SMARCC1: variants seen among roughly 807,000 people sequenced by gnomAD.
SMARCC1 encodes SWI/SNF complex subunit SMARCC1.
A neutral mutation model predicts 147.4 loss-of-function variants in SMARCC1; 43 were observed. The ratio of observed to expected loss-of-function variants is 0.29; its 90% CI spans 0.23 to 0.38. The LOEUF (loss-of-function observed/expected upper bound fraction) is 0.38. SMARCC1 is among the 10% of genes least tolerant of loss of function. SMARCC1 has a pLI of 1.00. For missense variants in SMARCC1, 1,119 were observed against 1,381.1 expected, an observed-to-expected ratio of 0.81 and a Z score of 3.01; for synonymous variants, 495 against 484.4, an observed-to-expected ratio of 1.02 and a Z score of -0.29.
intron 2 of SMARCC1, among the ~76,000 whole-genome samples, chr3:47,753,325 CAAAAAAAA>C (rs35435595): frequency 3.2e-5 from 3 of 92,880 alleles, no homozygotes; most frequent in Middle Eastern, 6.0e-3. Flanking sequence ...ACTCCATCTC[CAAAAAAAA>C]AAAAAAAAGA....
chr3:47,760,095 C>T (rs1359991363), intron 2 of SMARCC1, among the ~76,000 whole-genome samples: 1 of 152,158 alleles, frequency 6.6e-6, no homozygotes, highest in Non-Finnish European at 1.5e-5. Flanking sequence ...GGGCAGATCA[C>T]TTGAGGCCAG....
At chr3:47,779,487 G>A (rs1023995955) in intron 1 of SMARCC1, among the ~76,000 whole-genome samples, 1 of 152,172 alleles carries the variant, frequency 6.6e-6, no homozygotes, top group South Asian at 2.1e-4. Context: ...GGGTATATAC[G>A]TTTCTCAATC....
intron 21 of SMARCC1, among the ~76,000 whole-genome samples, chr3:47,647,977 G>A (rs934742019): frequency 6.6e-6 from 1 of 151,994 alleles, no homozygotes; most frequent in African/African-American, 2.4e-5. Context: ...TCTTGAATCT[G>A]CTCACTGACA....
Position 47,701,344 on chromosome 3 carries a change from G to C in SMARCC1, c.1099C>G (p.Leu367Val), listed in dbSNP as rs551503004. 41 of 1,613,086 alleles carry C rather than the reference G, an allele frequency of 2.5e-5. No homozygotes were observed. The Admixed American group carries it at 3.3e-4, about 13-fold the overall frequency. ...SQKEEDEQED[L>V]TKDMEDPTPV... Reference sequence around the variant, plus strand: ...GTTGGGTCTTCCATATCCTTGGTTAGATCTTCTTGCTCATCTTCCTCTTTC... The same window carrying C: ...GTTGGGTCTTCCATATCCTTGGTTACATCTTCTTGCTCATCTTCCTCTTTC... Residue 367 changes from leucine (L) to valine (V), a missense_variant, in exon 11 of 28, where the codon CTA becomes GTA. By Grantham distance (32) the Leu-to-Val change is conservative. Around this residue, in one of 6 missense-constraint regions of SMARCC1, gnomAD observed 542 missense variants for 611.8 expected, o/e 0.89. Transcript: ENST00000254480.
chr3:47,734,008 T>C (rs1490879382), intron 5 of SMARCC1, among the ~76,000 whole-genome samples: 1 of 152,008 alleles, frequency 6.6e-6, no homozygotes. Flanking sequence ...TATATCTACA[T>C]ATATGTATAC....
intron 21 of SMARCC1, 109 bp from the exon 22 acceptor site, chr3:47,638,889 C>G (rs1383609351): frequency 3.9e-6 from 3 of 773,064 alleles, no homozygotes; most frequent in Non-Finnish European, 6.8e-6. Context: ...TAATACATAA[C>G]GAATATCATA....
chr3:47,730,069 T>C (rs1448280767), intron 5 of SMARCC1, among the ~76,000 whole-genome samples: 3 of 152,044 alleles, frequency 2.0e-5, no homozygotes, highest in Admixed American at 2.0e-4. Context: ...ATCTCAGCTA[T>C]TCAAGAGGCT....
chr3:47,662,717 T>G (rs976161990), intron 19 of SMARCC1, 125 bp from the exon 20 acceptor site: 4 of 766,752 alleles, frequency 5.2e-6, no homozygotes, highest in South Asian at 1.9e-5. Flanking sequence ...ATAGAAAGAT[T>G]TGATGGTTTC....
At position 47,673,234 on chromosome 3, in the gene SMARCC1, T is replaced by TA. The variant is rs202155424; in HGVS notation, c.1839+2240dup. On this transcript the variant is annotated intron_variant, in intron 18 of 27. Transcript: ENST00000254480. ...TGTTCTCTCTTTAAAAAAATAAAAA[T>TA]AAAAAAAAAGCCGGGTGTGGTGGCT... Among the ~76,000 whole-genome samples the TA allele has an allele frequency of 1.3e-3, 199 of 148,636 alleles. 3 individuals are homozygous for TA. In the East Asian group the frequency reaches 0.031, roughly 23 times the overall value.
intron 10 of SMARCC1, among the ~76,000 whole-genome samples, chr3:47,705,660 T>C (rs973661206): frequency 2.0e-5 from 3 of 152,184 alleles, no homozygotes; most frequent in African/African-American, 7.2e-5. Context: ...ATTGTATCTT[T>C]ACACTTCAAT....
Position 47,676,786 on chromosome 3 carries a change from A to C in SMARCC1, c.1572-4T>G, listed in dbSNP as rs2033580411. ...CTGCTCTAAAAAGGCATGGACCCTAAAGAATAAAGCTCGGAAAGTTAAAAT... is the reference window on the plus strand; with the variant it reads ...CTGCTCTAAAAAGGCATGGACCCTACAGAATAAAGCTCGGAAAGTTAAAAT... On this transcript the variant is annotated splice_polypyrimidine_tract_variant and splice_region_variant and intron_variant, in intron 16 of 27. Coordinates refer to ENST00000254480, the MANE Select transcript of SMARCC1 (RefSeq NM_003074.4). 6.2e-7 allele frequency: 1 copy of C among 1,612,442 alleles called. No individual in the cohort carries two copies. Among genetic ancestry groups the C allele is most frequent in the Non-Finnish European group, 8.5e-7 (1 of 1,179,632 alleles).
At chr3:47,628,056 TATA>T (rs776141173) in intron 24 of SMARCC1, among the ~76,000 whole-genome samples, 1 of 144,958 alleles carries the variant, frequency 6.9e-6, no homozygotes, top group Non-Finnish European at 1.5e-5. Flanking sequence ...TATATATATA[TATA>T]TTTTTTCTTT....
At chr3:47,604,200 C>A (rs1055663205) in intron 26 of SMARCC1, 19 of 456,600 alleles carry the variant, frequency 4.2e-5, no homozygotes, top group African/African-American at 3.6e-4. Flanking sequence ...CTTTAACAGG[C>A]TCTACCACTA....
chr3:47,781,433 G>A (rs981971589), intron 1 of SMARCC1, among the ~76,000 whole-genome samples, 170 bp downstream of exon 1: 1 of 152,162 alleles, frequency 6.6e-6, no homozygotes, highest in Non-Finnish European at 1.5e-5. Flanking sequence ...GTCAGGCCCC[G>A]GGATCGCGGG....
intron 21 of SMARCC1, among the ~76,000 whole-genome samples, chr3:47,659,269 A>C (rs1254538433): frequency 6.6e-6 from 1 of 150,968 alleles, no homozygotes; most frequent in Non-Finnish European, 1.5e-5. Context: ...AATAAAAATA[A>C]ATAAATAAAA....
intron 25 of SMARCC1, among the ~76,000 whole-genome samples, chr3:47,612,615 G>C (rs2032578878): frequency 6.6e-6 from 1 of 152,316 alleles, no homozygotes; most frequent in Admixed American, 6.5e-5. Flanking sequence ...AAGAGGATGA[G>C]AGGGCCAAGC....
chr3:47,601,643 A>C (rs2032387855), intron 26 of SMARCC1: 1 of 151,768 alleles, frequency 6.6e-6, no homozygotes, highest in African/African-American at 2.4e-5. Flanking sequence ...GTAGGACCAA[A>C]GGCACCGCAG....
chr3:47,735,554 G>C (rs577568057), intron 5 of SMARCC1, among the ~76,000 whole-genome samples: 2 of 152,134 alleles, frequency 1.3e-5, no homozygotes, highest in African/African-American at 4.8e-5. Context: ...GAGATCACTC[G>C]AGGTCAGGAG....
intron 24 of SMARCC1, among the ~76,000 whole-genome samples, chr3:47,626,677 T>C (rs1050327357): frequency 3.3e-5 from 5 of 152,196 alleles, no homozygotes; most frequent in African/African-American, 1.2e-4. Context: ...ACAAGTTCAC[T>C]GGCCTTTATT....
Sources: allele counts gnomAD v4.1 joint callset (sites outside exome capture counted in the v4.1 genomes callset), GRCh38; gene constraint gnomAD v4.1.1; regional missense constraint gnomAD v4.1.1; transcripts MANE v1.5; gene names NCBI Gene and HGNC (gene_info 2026-07-23, HGNC 2026-07-21).